Variants in ADAM23 observed in about 807,000 individuals in gnomAD.
The protein encoded by ADAM23 is disintegrin and metalloproteinase domain-containing protein 23.
Under a neutral mutation model 120.1 loss-of-function variants are expected in ADAM23, and 33 were observed. That is an observed-to-expected ratio of 0.27 (90% CI 0.21 to 0.37). The LOEUF is 0.37. ADAM23 is among the 10% of genes least tolerant of loss of function. ADAM23 has a pLI of 1.00. For missense variants in ADAM23, 862 were observed against 1,058.2 expected (o/e 0.81, Z 2.57); for synonymous variants, 367 against 375.2 (o/e 0.98, Z 0.25).
intron 3 of ADAM23, among the ~76,000 whole-genome samples, chr2:206,508,268 C>T (rs573805524): frequency 7.2e-5 from 11 of 152,228 alleles, no homozygotes; most frequent in African/African-American, 1.4e-4. Context: ...CCTCGTGATC[C>T]GCCCACCTTG....
chr2:206,584,769 G>A (rs970342291), intron 18 of ADAM23, among the ~76,000 whole-genome samples: 7 of 152,182 alleles, frequency 4.6e-5, no homozygotes, highest in Non-Finnish European at 7.3e-5. Flanking sequence ...TTCTCGCCCA[G>A]TTCAAATTGT....
chr2:206,548,488 C>A, intron 8 of ADAM23, 134 bp downstream of exon 8: 6 of 774,220 alleles, frequency 7.7e-6, no homozygotes, highest in South Asian at 4.2e-5. Context: ...AAACAATAAA[C>A]AAAAAACCCT....
chr2:206,587,939 A>G, intron 19 of ADAM23, 152 bp from the exon 20 acceptor site: 1 of 694,812 alleles, frequency 1.4e-6, no homozygotes, highest in Admixed American at 2.9e-5. Flanking sequence ...CTTATTCTTG[A>G]GATATTTGTG....
chr2:206,546,992 G>A (rs546393545), intron 6 of ADAM23, among the ~76,000 whole-genome samples: 2 of 152,264 alleles, frequency 1.3e-5, no homozygotes, highest in East Asian at 3.9e-4. Context: ...CCAGCAAGGT[G>A]TGAGAGTGCT....
intron 18 of ADAM23, among the ~76,000 whole-genome samples, chr2:206,579,835 A>C (rs935451641): frequency 1.7e-4 from 26 of 152,154 alleles, no homozygotes; most frequent in Admixed American, 1.7e-3. Context: ...CTCGTCTTCA[A>C]ATATTGATTC....
intron 7 of ADAM23, among the ~76,000 whole-genome samples, 173 bp from the exon 8 acceptor site, chr2:206,548,108 A>G (rs1331992475): frequency 1.3e-5 from 2 of 152,212 alleles, no homozygotes; most frequent in Non-Finnish European, 2.9e-5. Context: ...ACAAAATTAC[A>G]TTTGAACTAT....
At chr2:206,541,304 T>A (rs1403309284) in intron 4 of ADAM23, among the ~76,000 whole-genome samples, 1 of 152,130 alleles carries the variant, frequency 6.6e-6, no homozygotes, top group Non-Finnish European at 1.5e-5. Context: ...TGAACAATAT[T>A]TGTGTACACA....
intron 2 of ADAM23, among the ~76,000 whole-genome samples, chr2:206,447,818 T>C (rs983652831): frequency 6.6e-6 from 1 of 152,228 alleles, no homozygotes; most frequent in Admixed American, 6.5e-5. Context: ...TTAGAAATGC[T>C]GAATCACTGT....
At chr2:206,563,801 C>A (rs1697820179) in intron 13 of ADAM23, among the ~76,000 whole-genome samples, 1 of 151,302 alleles carries the variant, frequency 6.6e-6, no homozygotes, top group African/African-American at 2.4e-5. Flanking sequence ...ACGATCTCGG[C>A]TCACTGCAAC....
intron 18 of ADAM23, among the ~76,000 whole-genome samples, chr2:206,577,351 C>T (rs1174919298): frequency 6.9e-6 from 1 of 144,054 alleles, no homozygotes; most frequent in African/African-American, 2.6e-5. Flanking sequence ...CATGCTGGTG[C>T]GCTGCACCCA....
chr2:206,582,530 A>G (rs1407293327), intron 18 of ADAM23, among the ~76,000 whole-genome samples: 1 of 152,210 alleles, frequency 6.6e-6, no homozygotes, highest in African/African-American at 2.4e-5. Flanking sequence ...TTAGGCCATT[A>G]CATTCAATGT....
At chr2:206,489,735 G>A (rs1696091937) in intron 3 of ADAM23, among the ~76,000 whole-genome samples, 4 of 152,182 alleles carry the variant, frequency 2.6e-5, no homozygotes, top group African/African-American at 9.7e-5. Flanking sequence ...AGCATGGGCT[G>A]TCTGCTTGGA....
intron 2 of ADAM23, among the ~76,000 whole-genome samples, chr2:206,479,386 C>T (rs34314122): frequency 0.074 from 11,265 of 152,104 alleles, 483 homozygotes; most frequent in Middle Eastern, 0.12. Context: ...TATTTATCAG[C>T]TCTTTTAGAC....
intron 3 of ADAM23, among the ~76,000 whole-genome samples, chr2:206,528,077 A>G (rs1696977003): frequency 6.6e-6 from 1 of 152,222 alleles, no homozygotes; most frequent in Non-Finnish European, 1.5e-5. Context: ...CAAAATTAAG[A>G]TAACGTTGTT....
At chr2:206,591,987 T>TAAA (rs1425739613) in intron 21 of ADAM23, among the ~76,000 whole-genome samples, 1 of 152,218 alleles carries the variant, frequency 6.6e-6, no homozygotes, top group Non-Finnish European at 1.5e-5. Flanking sequence ...GCCCATTTTT[T>TAAA]AGGAGTCATT....
intron 2 of ADAM23, among the ~76,000 whole-genome samples, chr2:206,480,383 G>GCA (rs1695871964): frequency 6.6e-6 from 1 of 152,016 alleles, no homozygotes; most frequent in Non-Finnish European, 1.5e-5. Flanking sequence ...CACCCACTGT[G>GCA]CCTTAGGAAT....
At position 206,573,097 on chromosome 2, in the gene ADAM23, T is replaced by C. The variant is rs759507755; in HGVS notation, c.1657-18T>C. 2 of 1,612,790 alleles carry C rather than the reference T, an allele frequency of 1.2e-6. No homozygotes were observed. The highest frequency in any genetic ancestry group is 1.1e-5 in the South Asian group (1 of 91,058). On this transcript the variant is annotated intron_variant, in intron 17 of 25. Coordinates refer to ENST00000264377, the MANE Select transcript of ADAM23 (RefSeq NM_003812.4). The stretch of plus-strand genomic sequence containing the variant: ...TATTATGTAATGCTAACTCTTAATA[T>C]TGAATTTTGATTTGCAGTTTCAGCC...
rs149864718 is a variant in ADAM23, at chr2:206,553,601, G to A, written c.933+3441G>A. On this transcript the variant is annotated intron_variant, in intron 9 of 25. Coordinates refer to ENST00000264377, the MANE Select transcript of ADAM23 (RefSeq NM_003812.4). ...TCTAATCCATAATAGTCCCAAATAC[G>A]TATGACATTTTATAAGAATTTTTTT... is the stretch of plus-strand genomic sequence containing the variant. Among the ~76,000 whole-genome samples, 370 of 152,004 alleles carry A rather than the reference G, an allele frequency of 2.4e-3. 3 individuals carry two copies. The highest frequency in any genetic ancestry group is 8.5e-3 in the African/African-American group (352 of 41,450).
chr2:206,533,144 T>C (rs907457062), intron 4 of ADAM23, among the ~76,000 whole-genome samples: 3 of 152,294 alleles, frequency 2.0e-5, no homozygotes, highest in African/African-American at 7.2e-5. Context: ...AATGGCTAGG[T>C]TAAACTTATT....
Sources: gnomAD v4.1 joint callset for allele counts (sites outside exome capture counted in the v4.1 genomes callset) on GRCh38, gnomAD v4.1.1 for gene constraint, MANE v1.5 for transcripts, NCBI Gene and HGNC (gene_info 2026-07-23, HGNC 2026-07-21) for gene names.